NDFIP2: variants seen among roughly 807,000 people sequenced by gnomAD.
The protein encoded by NDFIP2 is NEDD4 family-interacting protein 2.
Under a neutral mutation model 36.0 loss-of-function variants are expected in NDFIP2, and 19 were observed. The observed-to-expected ratio is 0.53, with a 90% CI of 0.37 to 0.77. The LOEUF (loss-of-function observed/expected upper bound fraction) is 0.77, where lower values mean the gene tolerates loss of function less well. Ranked by LOEUF, NDFIP2 falls within the 30% of genes least tolerant of loss-of-function variation. The pLI is 0.00. For synonymous variants in NDFIP2, 181 were observed against 167.7 expected (o/e 1.08, Z -0.61); for missense variants, 446 against 435.8 (o/e 1.02, Z -0.21).
At chr13:79,495,823 T>C (rs1873414707) in intron 1 of NDFIP2, among the ~76,000 whole-genome samples, 1 of 151,950 alleles carries the variant, frequency 6.6e-6, no homozygotes, top group African/African-American at 2.4e-5. Context: ...AGTTTTAGTG[T>C]CCCTTTCAAT....
intron 5 of NDFIP2, among the ~76,000 whole-genome samples, chr13:79,544,543 A>C (rs1459653264): frequency 6.6e-6 from 1 of 151,290 alleles, no homozygotes; most frequent in Non-Finnish European, 1.5e-5. Context: ...AGAGTGCTTT[A>C]CTTACTGTTG....
At chr13:79,500,166 CAAA>C (rs771690443) in intron 1 of NDFIP2, among the ~76,000 whole-genome samples, 2 of 76,046 alleles carry the variant, frequency 2.6e-5, no homozygotes, top group Non-Finnish European at 6.0e-5. Context: ...GATCCCCATG[CAAA>C]AAAAAAAAAA....
In NDFIP2 at chr13:79,481,867, A is replaced by G. The variant is rs537853900; in HGVS notation, c.321+343A>G. 2.0e-5 allele frequency among the ~76,000 whole-genome samples: 3 copies of G among 152,066 alleles called. No homozygotes were observed. In the South Asian group the frequency reaches 6.2e-4, roughly 32 times the overall value. On this transcript the variant is annotated intron_variant, in intron 1 of 7. Coordinates refer to ENST00000218652, the MANE Select transcript of NDFIP2 (RefSeq NM_019080.3). Reference sequence around the variant, plus strand: ...TTATTCTCTGACTCAGTCACTCCTGAGACATTCTAGTCGATTGTCTACTGG... The same window carrying G: ...TTATTCTCTGACTCAGTCACTCCTGGGACATTCTAGTCGATTGTCTACTGG...
chr13:79,483,032 G>T (rs2079824602), intron 1 of NDFIP2, among the ~76,000 whole-genome samples: 3 of 152,126 alleles, frequency 2.0e-5, no homozygotes, highest in Admixed American at 2.0e-4. Context: ...GTTAATTTAT[G>T]TAGCTCTCAG....
chr13:79,487,926 C>A (rs994424934), intron 1 of NDFIP2, among the ~76,000 whole-genome samples: 7 of 152,182 alleles, frequency 4.6e-5, no homozygotes, highest in Non-Finnish European at 1.0e-4. Context: ...TGTAAAAACT[C>A]CTTCGAATCT....
intron 4 of NDFIP2, 32 bp from the exon 5 acceptor site, chr13:79,543,526 G>A: frequency 1.2e-6 from 2 of 1,611,724 alleles, no homozygotes; most frequent in Non-Finnish European, 1.7e-6. Context: ...CCAAATTGTG[G>A]TTTATAAAAG....
intron 2 of NDFIP2, among the ~76,000 whole-genome samples, chr13:79,526,778 T>TAA (rs1056462771): frequency 8.5e-5 from 13 of 152,320 alleles, no homozygotes; most frequent in African/African-American, 3.1e-4. Context: ...ACCTAGCACT[T>TAA]ACTGTGTGCT....
chr13:79,492,294 G>A (rs913778061), intron 1 of NDFIP2, among the ~76,000 whole-genome samples: 9 of 146,174 alleles, frequency 6.2e-5, no homozygotes, highest in African/African-American at 2.3e-4. Flanking sequence ...TGTTCAAAGT[G>A]ACAGCTTTTG....
intron 2 of NDFIP2, among the ~76,000 whole-genome samples, chr13:79,529,494 T>G (rs1874927974): frequency 6.6e-6 from 1 of 152,216 alleles, no homozygotes; most frequent in Non-Finnish European, 1.5e-5. Flanking sequence ...TTGTTTTTAC[T>G]TAGATTTTGC....
At position 79,548,699 on chromosome 13, in the gene NDFIP2, CT is replaced by C. The variant is rs546709426; in HGVS notation, c.907+307del. On this transcript the variant is annotated intron_variant, in intron 6 of 7. Transcript: ENST00000218652. ...TATCTCAGAAAACATACACAAATGA[CT>C]TCTTTTAATGATCTTAGGAAATTTG... 7.7e-4 allele frequency among the ~76,000 whole-genome samples: 117 copies of C among 152,060 alleles called. 1 individual carries two copies. Among genetic ancestry groups the C allele is most frequent in the African/African-American group, 2.7e-3 (112 of 41,534 alleles).
chr13:79,538,747 T>C (rs1875343945), intron 3 of NDFIP2, among the ~76,000 whole-genome samples: 1 of 152,330 alleles, frequency 6.6e-6, no homozygotes, highest in African/African-American at 2.4e-5. Flanking sequence ...CATACCTGGC[T>C]AATTTTTGTA....
chr13:79,508,761 A>G (rs975180883), intron 1 of NDFIP2, among the ~76,000 whole-genome samples: 7 of 152,326 alleles, frequency 4.6e-5, no homozygotes, highest in African/African-American at 1.7e-4. Context: ...AATGCAGCCC[A>G]GTAGGTCTCA....
rs768142127 is a variant in NDFIP2 at position 79,481,328 on chromosome 13, G to A, written c.125G>A (p.Gly42Glu). 65 of 1,545,688 alleles carry A rather than the reference G, an allele frequency of 4.2e-5. No homozygotes were observed. In the East Asian group the frequency reaches 8.5e-4, roughly 20 times the overall value. Reference sequence around the variant, plus strand: ...GCGGAGGTCTCGGCGGCCGCTGCGGGAGCCACAGGAAGTGAAGAGCTTCCG... The same window carrying A: ...GCGGAGGTCTCGGCGGCCGCTGCGGAAGCCACAGGAAGTGAAGAGCTTCCG... ...TNAEVSAAAA[G>E]ATGSEELPPG... is the part of the protein sequence containing the mutation. Residue 42 changes from glycine (G) to glutamate (E), a missense_variant, in exon 1 of 8, where the codon GGA (glycine) becomes GAA (glutamate). Gly to Glu is a moderately conservative substitution (Grantham distance 98). Coordinates refer to ENST00000218652, the MANE Select transcript of NDFIP2 (RefSeq NM_019080.3).
At chr13:79,530,089 G>A (rs1874956352) in intron 2 of NDFIP2, among the ~76,000 whole-genome samples, 1 of 152,168 alleles carries the variant, frequency 6.6e-6, no homozygotes, top group Admixed American at 6.5e-5. Context: ...TTGCCTCAGT[G>A]TTGATGGCTA....
In NDFIP2 at chr13:79,554,033, T is replaced by G. The variant is rs1363838366; in HGVS notation, c.*1520T>G. On this transcript the variant is annotated 3_prime_UTR_variant, in exon 8 of 8. Transcript: ENST00000218652. ...ATTTATTATGCTTTATAACCTCTTC[T>G]GTATTTTCTAATTTTTTCATTGTCT... 6.6e-6 allele frequency: 1 copy of G among 151,690 alleles called. No homozygotes were observed. Among genetic ancestry groups the G allele is most frequent in the African/African-American group, 2.4e-5 (1 of 41,434 alleles). The allele number at this position is 151,690 out of a possible 1,614,324, so 9.4% of individuals were successfully genotyped here.
chr13:79,496,672 TA>T (rs71106100), intron 1 of NDFIP2, among the ~76,000 whole-genome samples: 18 of 151,414 alleles, frequency 1.2e-4, no homozygotes, highest in Non-Finnish European at 2.4e-4. Flanking sequence ...AAATTCCACA[TA>T]AAAAAAACTT....
chr13:79,488,094 C>A (rs1873089010), intron 1 of NDFIP2, among the ~76,000 whole-genome samples: 1 of 152,080 alleles, frequency 6.6e-6, no homozygotes, highest in Admixed American at 6.6e-5. Flanking sequence ...AGGGTTCTGT[C>A]AATGTCTGAT....
intron 1 of NDFIP2, among the ~76,000 whole-genome samples, chr13:79,510,997 T>TTA (rs1594847584): frequency 1.5e-5 from 1 of 64,862 alleles, no homozygotes; most frequent in Non-Finnish European, 3.4e-5. Context: ...AGACTCTGTC[T>TTA]CAAAAAAAAA....
At chr13:79,540,329 T>C (rs1336848197) in intron 4 of NDFIP2, among the ~76,000 whole-genome samples, 1 of 152,216 alleles carries the variant, frequency 6.6e-6, no homozygotes, top group African/African-American at 2.4e-5. Context: ...ATTTGACTTA[T>C]AAAGTAAATT....
Sources: gnomAD v4.1 joint callset for allele counts (sites outside exome capture counted in the v4.1 genomes callset) on GRCh38, gnomAD v4.1.1 for gene constraint, MANE v1.5 for transcripts, NCBI Gene and HGNC (gene_info 2026-07-23, HGNC 2026-07-21) for gene names.